The following GABRP variants were observed in gnomAD, a reference collection of about 807,000 sequenced individuals.
The protein encoded by GABRP is gamma-aminobutyric acid receptor subunit pi.
Under a neutral mutation model 47.8 loss-of-function variants are expected in GABRP, and 52 were observed. The ratio of observed to expected loss-of-function variants is 1.09; its 90% CI spans 0.87 to 1.37. GABRP has a LOEUF of 1.37. Ranked by LOEUF, GABRP falls within the 40% of genes most tolerant of loss-of-function variation. The pLI, the probability that GABRP is intolerant of heterozygous loss-of-function variation, is 0.00. For synonymous variants in GABRP, 221 were observed against 205.8 expected, an observed-to-expected ratio of 1.07 and a Z score of -0.63; for missense variants, 525 against 542.8, an observed-to-expected ratio of 0.97 and a Z score of 0.33.
At chr5:170,809,517 T>C (rs1403228570) in intron 8 of GABRP, 51 bp from the exon 9 acceptor site, 1 of 1,578,528 alleles carries the variant, frequency 6.3e-7, no homozygotes, top group East Asian at 2.2e-5. Context: ...CAGGCTATGG[T>C]GGAGGACTAA....
chr5:170,799,105 T>C (rs909637369), intron 6 of GABRP, among the ~76,000 whole-genome samples: 1 of 152,216 alleles, frequency 6.6e-6, no homozygotes, highest in Non-Finnish European at 1.5e-5. Context: ...ACAAAGGACA[T>C]GAACTCATCA....
intron 7 of GABRP, among the ~76,000 whole-genome samples, chr5:170,806,575 C>T (rs190491942): frequency 6.6e-5 from 10 of 152,084 alleles, no homozygotes; most frequent in East Asian, 3.9e-4. Context: ...CCTGAGTAGC[C>T]GGGATTACAG....
At chr5:170,802,086 A>T (rs1337418942) in intron 6 of GABRP, among the ~76,000 whole-genome samples, 1 of 152,240 alleles carries the variant, frequency 6.6e-6, no homozygotes, top group Admixed American at 6.5e-5. Context: ...TAAAGCTCAC[A>T]CAGTCATGCC....
intron 3 of GABRP, 85 bp downstream of exon 3, chr5:170,789,332 T>C: frequency 1.3e-6 from 1 of 769,096 alleles, no homozygotes; most frequent in Non-Finnish European, 2.2e-6. Context: ...GAGGTTTTAG[T>C]TGACTCCATT....
At chr5:170,784,107 A>G (rs558173254) in intron 1 of GABRP, among the ~76,000 whole-genome samples, 1 of 152,194 alleles carries the variant, frequency 6.6e-6, no homozygotes, top group Non-Finnish European at 1.5e-5. Context: ...AGACCAGCAG[A>G]CACAGGGCAC....
intron 1 of GABRP, among the ~76,000 whole-genome samples, chr5:170,786,222 A>G (rs563092098): frequency 6.6e-6 from 1 of 152,334 alleles, no homozygotes; most frequent in South Asian, 2.1e-4. Flanking sequence ...CTTAAACTCA[A>G]TGCTTGGACA....
chr5:170,799,001 A>G (rs1050411589), intron 6 of GABRP, among the ~76,000 whole-genome samples: 1 of 142,410 alleles, frequency 7.0e-6, no homozygotes, highest in Non-Finnish European at 1.5e-5. Flanking sequence ...TCACTGTTCA[A>G]TTCCCACCTA....
chr5:170,793,562 C>T (rs559659264), intron 3 of GABRP, among the ~76,000 whole-genome samples: 1 of 152,130 alleles, frequency 6.6e-6, no homozygotes, highest in Non-Finnish European at 1.5e-5. Context: ...AAAAGCTCAG[C>T]CATGAGTCTT....
At chr5:170,802,150 G>T (rs1323431610) in intron 6 of GABRP, among the ~76,000 whole-genome samples, 2 of 152,186 alleles carry the variant, frequency 1.3e-5, no homozygotes, top group East Asian at 3.9e-4. Context: ...TGAAGAATGA[G>T]GATTTAACTC....
chr5:170,795,347 A>C lies in GABRP; in HGVS notation c.380A>C (p.Lys127Thr). ...GATACTTACATTGTGGAGTCCAAGA[A>C]GTCCTTCCTCCATGAAGTCACTGTG... ...VPDTYIVESKKSFLHEVTVGN... is the reference protein window; with the variant it reads ...VPDTYIVESKTSFLHEVTVGN... Residue 127 changes from lysine (K) to threonine (T), a missense_variant, in exon 5 of 10, where the codon AAG becomes ACG. Coordinates refer to ENST00000265294, the MANE Select transcript of GABRP (RefSeq NM_014211.3). 6.2e-7 allele frequency: 1 copy of C among 1,614,090 alleles called. No homozygotes were observed. Among genetic ancestry groups the C allele is most frequent in the Non-Finnish European group, 8.5e-7 (1 of 1,180,012 alleles).
intron 2 of GABRP, 151 bp downstream of exon 2, chr5:170,788,819 C>A: frequency 1.4e-6 from 1 of 731,128 alleles, no homozygotes; most frequent in Non-Finnish European, 2.4e-6. Context: ...AACTTCCTGC[C>A]ATTTACTCTA....
At chr5:170,788,536 T>C in intron 1 of GABRP, 38 bp from the exon 2 acceptor site, 1 of 1,422,734 alleles carries the variant, frequency 7.0e-7, no homozygotes, top group Non-Finnish European at 9.9e-7. Context: ...GTGAGCCTGT[T>C]GCACGGCCTT....
Position 170,808,721 on chromosome 5 carries a change from T to C in GABRP, c.801T>C (p.Ser267=), listed in dbSNP as rs775590760. 8.1e-6 allele frequency: 13 copies of C among 1,614,162 alleles called. No homozygotes were observed. Among genetic ancestry groups the C allele is most frequent in the South Asian group, 7.7e-5 (7 of 91,078 alleles). ...VVLSWVSFWI[S]LDSVPARTCI... ...TGTCCTGGGTTTCATTTTGGATCTC[T>C]CTCGATTCAGTCCCTGCAAGAACCT... is the stretch of plus-strand genomic sequence containing the variant. Residue 267 remains serine, a synonymous_variant, in exon 8 of 10, where the codon TCT becomes TCC. Coordinates refer to ENST00000265294, the MANE Select transcript of GABRP (RefSeq NM_014211.3).
intron 3 of GABRP, among the ~76,000 whole-genome samples, chr5:170,790,956 G>C (rs2127252251): frequency 6.6e-6 from 1 of 152,330 alleles, no homozygotes; most frequent in Admixed American, 6.5e-5. Context: ...TAAGATGTGA[G>C]ATCCTGACAT....
rs762621670 is a variant in GABRP at position 170,805,757 on chromosome 5, G to A, written c.583G>A (p.Gly195Arg). The change falls in exon 7 of 10, where the codon GGG (glycine) becomes AGG (arginine). Residue 195 changes from glycine to arginine, a missense_variant. Physicochemically the swap from Gly to Arg is moderately radical, Grantham distance 125 (BLOSUM62 -2). Transcript: ENST00000265294. The stretch of plus-strand genomic sequence containing the variant: ...TGATGTGGAGTTCACCTGGCTGAGA[G>A]GGAACGACTCTGTGCGTGGACTGGA... ...GNDVEFTWLR[G>R]NDSVRGLEHL... 1.2e-6 allele frequency: 2 copies of A among 1,614,078 alleles called. No individual in the cohort carries two copies. The highest frequency in any genetic ancestry group is 1.1e-5 in the South Asian group (1 of 91,088).
intron 1 of GABRP, among the ~76,000 whole-genome samples, chr5:170,784,840 G>C (rs1467069032): frequency 6.6e-6 from 1 of 152,218 alleles, no homozygotes; most frequent in Non-Finnish European, 1.5e-5. Flanking sequence ...AGTGGAGGTA[G>C]GAGCTTGGCC....
chr5:170,808,011 T>C (rs919906401), intron 7 of GABRP, among the ~76,000 whole-genome samples: 4 of 152,172 alleles, frequency 2.6e-5, no homozygotes, highest in Non-Finnish European at 5.9e-5. Flanking sequence ...GACATATATG[T>C]TTTGTGCTAC....
At chr5:170,794,747 A>G (rs1765376173) in intron 4 of GABRP, among the ~76,000 whole-genome samples, 1 of 151,982 alleles carries the variant, frequency 6.6e-6, no homozygotes, top group South Asian at 2.1e-4. Flanking sequence ...CATATTCGAG[A>G]CAAGGGCAAA....
At chr5:170,805,655 G>A in intron 6 of GABRP, 61 bp from the exon 7 acceptor site, 1 of 1,588,302 alleles carries the variant, frequency 6.3e-7, no homozygotes, top group Non-Finnish European at 8.6e-7. Context: ...GCATTTTCCA[G>A]ACCAGACCAG....
Sources: allele counts gnomAD v4.1 joint callset (sites outside exome capture counted in the v4.1 genomes callset), GRCh38; gene constraint gnomAD v4.1.1; transcripts MANE v1.5; gene names NCBI Gene and HGNC (gene_info 2026-07-23, HGNC 2026-07-21).